The following PPP2R5C variants were observed in gnomAD, a reference collection of about 807,000 sequenced individuals.
The protein encoded by PPP2R5C is serine/threonine-protein phosphatase 2A 56 kDa regulatory subunit gamma isoform.
In PPP2R5C, 7 loss-of-function variants were observed where a neutral mutation model predicts 68.9. That is an observed-to-expected ratio of 0.10 (90% confidence interval 0.06 to 0.19). The LOEUF (loss-of-function observed/expected upper bound fraction) is 0.19, where lower values mean the gene tolerates loss of function less well. PPP2R5C is among the 10% of genes least tolerant of loss of function. The pLI is 1.00. For missense variants in PPP2R5C, 348 were observed against 641.3 expected, an observed-to-expected ratio of 0.54 and a Z score of 4.94; for synonymous variants, 210 against 222.2, an observed-to-expected ratio of 0.95 and a Z score of 0.49.
chr14:101,780,480 G>A (rs531760461), intron 2 of PPP2R5C, among the ~76,000 whole-genome samples: 1 of 152,174 alleles, frequency 6.6e-6, no homozygotes, highest in Non-Finnish European at 1.5e-5. Context: ...TCGCCGCTTG[G>A]GGGGAGGGGC....
At chr14:101,821,373 AC>A (rs1313029244) in intron 1 of PPP2R5C, among the ~76,000 whole-genome samples, 2 of 143,596 alleles carry the variant, frequency 1.4e-5, no homozygotes, top group Non-Finnish European at 1.5e-5. Flanking sequence ...TACCATCCCC[AC>A]ATCTCAAAGT....
intron 11 of PPP2R5C, among the ~76,000 whole-genome samples, chr14:101,910,631 G>C (rs1312280636): frequency 6.6e-6 from 1 of 152,094 alleles, no homozygotes; most frequent in Non-Finnish European, 1.5e-5. Context: ...AGGAGATTGA[G>C]ACCATGCTGG....
intron 1 of PPP2R5C, among the ~76,000 whole-genome samples, chr14:101,828,652 A>C (rs2040546257): frequency 6.6e-6 from 1 of 151,362 alleles, no homozygotes; most frequent in Non-Finnish European, 1.5e-5. Context: ...TTTAATTAAC[A>C]CTTAACTGAA....
chr14:101,767,284 G>A (rs769903114), intron 2 of PPP2R5C, among the ~76,000 whole-genome samples: 12 of 152,102 alleles, frequency 7.9e-5, no homozygotes, highest in South Asian at 2.1e-4. Flanking sequence ...GGTGCTAGGC[G>A]GAAGGGTAAT....
chr14:101,856,294 G>A (rs1358504901), intron 1 of PPP2R5C, among the ~76,000 whole-genome samples: 1 of 152,212 alleles, frequency 6.6e-6, no homozygotes, highest in Admixed American at 6.5e-5. Context: ...ATCACCTGGT[G>A]TCAATGTGTC....
intron 1 of PPP2R5C, among the ~76,000 whole-genome samples, chr14:101,840,529 T>C (rs555611362): frequency 1.3e-5 from 2 of 151,110 alleles, no homozygotes; most frequent in South Asian, 2.1e-4. Context: ...CACCGGTCTT[T>C]TATAACCTAT....
chr14:101,792,377 G>A (rs2038399326), intron 3 of PPP2R5C, among the ~76,000 whole-genome samples: 1 of 152,188 alleles, frequency 6.6e-6, no homozygotes, highest in African/African-American at 2.4e-5. Flanking sequence ...TGTCAACCAT[G>A]TGCTAATGTC....
rs150159970 is a variant in PPP2R5C at position 101,865,554 on chromosome 14, G to A, written c.294+8669G>A. ...AGAATTCCCCAGAAGGGAGGGAGTC[G>A]TGTGCTTCTCTGGGCAGATGAAACG... is the stretch of plus-strand genomic sequence containing the variant. On this transcript the variant is annotated intron_variant, in intron 2 of 13. Transcript: ENST00000334743. Among the ~76,000 whole-genome samples, 131 of 152,358 alleles carry A rather than the reference G, an allele frequency of 8.6e-4. 1 individual carries two copies. Among genetic ancestry groups the A allele is most frequent in the African/African-American group, 3.0e-3 (124 of 41,576 alleles).
intron 3 of PPP2R5C, among the ~76,000 whole-genome samples, chr14:101,794,517 G>A (rs551618018): frequency 2.0e-5 from 3 of 152,216 alleles, no homozygotes; most frequent in South Asian, 2.1e-4. Flanking sequence ...TTACAGGCAC[G>A]CACCACCATG....
intron 1 of PPP2R5C, among the ~76,000 whole-genome samples, chr14:101,853,745 C>T (rs372015563): frequency 3.3e-5 from 5 of 152,092 alleles, no homozygotes; most frequent in African/African-American, 7.2e-5. Context: ...GTACCTGTGT[C>T]CTCGCCTCTA....
At chr14:101,823,271 A>G (rs1393857367) in intron 1 of PPP2R5C, among the ~76,000 whole-genome samples, 1 of 152,244 alleles carries the variant, frequency 6.6e-6, no homozygotes, top group East Asian at 1.9e-4. Context: ...TATTTATGCC[A>G]GCAAGCAGTG....
intron 9 of PPP2R5C, among the ~76,000 whole-genome samples, chr14:101,905,181 C>A (rs1267010906): frequency 6.6e-6 from 1 of 151,932 alleles, no homozygotes; most frequent in Non-Finnish European, 1.5e-5. Context: ...TGGTGAAACC[C>A]CGTCTCTACT....
At chr14:101,908,601 T>C (rs1364903515) in intron 10 of PPP2R5C, among the ~76,000 whole-genome samples, 6 of 151,998 alleles carry the variant, frequency 3.9e-5, no homozygotes, top group Non-Finnish European at 7.4e-5. Flanking sequence ...CTTGAACTCC[T>C]GACCTGAAGT....
At chr14:101,904,997 G>A (rs779546274) in intron 9 of PPP2R5C, among the ~76,000 whole-genome samples, 41 of 152,260 alleles carry the variant, frequency 2.7e-4, no homozygotes, top group Non-Finnish European at 5.3e-4. Flanking sequence ...GAATCTGGGT[G>A]GAGGGAGGTG....
intron 8 of PPP2R5C, among the ~76,000 whole-genome samples, chr14:101,898,017 G>A (rs1173008075): frequency 6.6e-6 from 1 of 151,832 alleles, no homozygotes; most frequent in Non-Finnish European, 1.5e-5. Context: ...TTAATTAGCT[G>A]GGCATGGTGA....
chr14:101,777,848 C>G (rs1240258634), intron 2 of PPP2R5C, among the ~76,000 whole-genome samples: 7 of 152,126 alleles, frequency 4.6e-5, no homozygotes. Flanking sequence ...TGATGGCTCA[C>G]TGCAGCCTTG....
At chr14:101,816,320 A>G (rs556199246) in intron 1 of PPP2R5C, among the ~76,000 whole-genome samples, 31 of 152,234 alleles carry the variant, frequency 2.0e-4, no homozygotes, top group Non-Finnish European at 3.7e-4. Flanking sequence ...CATTTCTCTC[A>G]CTCACATCTT....
intron 2 of PPP2R5C, among the ~76,000 whole-genome samples, chr14:101,768,244 A>G (rs1324026272): frequency 6.6e-6 from 1 of 152,156 alleles, no homozygotes; most frequent in Non-Finnish European, 1.5e-5. Context: ...TTTCCAAAAT[A>G]TGTACATTTG....
rs28649268 is a variant in PPP2R5C at position 101,917,156 on chromosome 14, A to G, written c.1327-675A>G. 0.031 allele frequency among the ~76,000 whole-genome samples: 4,670 copies of G among 152,212 alleles called. 200 individuals carry two copies. The highest frequency in any genetic ancestry group is 0.091 in the African/African-American group (3,796 of 41,512). ...CACTACACTCATGGAAATGGAGTCA[A>G]CCAGGCCCAGTGACTGAGGGCTGAG... On this transcript the variant is annotated intron_variant, in intron 12 of 13. Coordinates refer to ENST00000334743, the Ensembl canonical transcript of PPP2R5C. The surrounding 1 kb of genome is among the most constrained non-coding windows in gnomAD (Gnocchi z 4.4).
Sources: allele counts gnomAD v4.1 joint callset (sites outside exome capture counted in the v4.1 genomes callset), GRCh38; gene constraint gnomAD v4.1.1; non-coding constraint Gnocchi (gnomAD v3.1); transcripts MANE v1.5; gene names NCBI Gene and HGNC (gene_info 2026-07-23, HGNC 2026-07-21).